BABAM2: variants seen among roughly 807,000 people sequenced by gnomAD.
BABAM2 encodes BRISC and BRCA1-A complex member 2.
Under a neutral mutation model 54.7 loss-of-function variants are expected in BABAM2, and 31 were observed. The ratio of observed to expected loss-of-function variants is 0.57; its 90% confidence interval spans 0.43 to 0.77. The LOEUF (loss-of-function observed/expected upper bound fraction) is 0.77. Among genes scored for constraint, BABAM2 ranks in the 30% least tolerant of loss-of-function variants. The pLI, the probability that BABAM2 is intolerant of heterozygous loss-of-function variation, is 0.00. For missense variants in BABAM2, 364 were observed against 455.8 expected, an observed-to-expected ratio of 0.80 and a Z score of 1.83; for synonymous variants, 167 against 162.9, an observed-to-expected ratio of 1.03 and a Z score of -0.19.
chr2:28,055,660 T>A (rs1009174988), intron 6 of BABAM2, among the ~76,000 whole-genome samples: 2 of 152,174 alleles, frequency 1.3e-5, no homozygotes, highest in African/African-American at 4.8e-5. Flanking sequence ...GAATGTAGAT[T>A]GGGGTAACCC....
At chr2:28,099,613 A>T (rs1282346235) in intron 6 of BABAM2, among the ~76,000 whole-genome samples, 2 of 152,196 alleles carry the variant, frequency 1.3e-5, no homozygotes, top group Non-Finnish European at 2.9e-5. Flanking sequence ...TAGTTATTAT[A>T]GCCATACTCA....
chr2:28,026,833 A>AATATATAT lies in BABAM2; in HGVS notation c.495+1415_495+1422dup, dbSNP rs1161229574. On this transcript the variant is annotated intron_variant, in intron 5 of 11. Transcript: ENST00000379624. ...ATATAAATATATATTTATATATATA[A>AATATATAT]ATATATATAAATATATATTTATATA... 1.8e-4 allele frequency among the ~76,000 whole-genome samples: 7 copies of AATATATAT among 38,192 alleles called. No individual in the cohort carries two copies. The East Asian group carries it at 2.0e-3, about 11-fold the overall frequency. 25.1% of individuals were successfully genotyped at this position (38,192 alleles called of 152,430 possible).
chr2:28,151,547 C>T (rs1396396025), intron 7 of BABAM2, among the ~76,000 whole-genome samples: 2 of 152,064 alleles, frequency 1.3e-5, no homozygotes, highest in East Asian at 3.9e-4. Flanking sequence ...TGCACTCCAG[C>T]CTTGGCGACA....
intron 6 of BABAM2, 95 bp from the exon 7 acceptor site, chr2:28,129,176 C>T: frequency 8.7e-7 from 1 of 1,152,678 alleles, no homozygotes. Flanking sequence ...GGGTAACTCA[C>T]AGTCATGGCT....
At chr2:28,300,586 C>T (rs1361617634) in intron 11 of BABAM2, among the ~76,000 whole-genome samples, 1 of 152,066 alleles carries the variant, frequency 6.6e-6, no homozygotes, top group African/African-American at 2.4e-5. Flanking sequence ...ATTTGTGGTA[C>T]GTGCTGAACC....
At chr2:28,192,136 G>A (rs914034970) in intron 7 of BABAM2, among the ~76,000 whole-genome samples, 3 of 152,120 alleles carry the variant, frequency 2.0e-5, no homozygotes, top group African/African-American at 7.2e-5. Flanking sequence ...CTGGGTTCAC[G>A]CTATTCTCCT....
intron 11 of BABAM2, among the ~76,000 whole-genome samples, chr2:28,336,397 T>A (rs1691471541): frequency 6.6e-6 from 1 of 152,130 alleles, no homozygotes; most frequent in African/African-American, 2.4e-5. Flanking sequence ...CTAGTTTGAG[T>A]TACAGAGTGA....
intron 3 of BABAM2, among the ~76,000 whole-genome samples, chr2:27,961,010 G>A (rs1670425647): frequency 2.0e-5 from 3 of 152,172 alleles, no homozygotes; most frequent in African/African-American, 7.2e-5. Flanking sequence ...GTGGTCAGTT[G>A]GCATTGGGAA....
chr2:28,195,080 A>G (rs1389364798), intron 7 of BABAM2, among the ~76,000 whole-genome samples: 1 of 152,218 alleles, frequency 6.6e-6, no homozygotes, highest in African/African-American at 2.4e-5. Flanking sequence ...AATAGAGAGG[A>G]ACCTCTCTGA....
intron 7 of BABAM2, among the ~76,000 whole-genome samples, chr2:28,204,859 T>C (rs1013802695): frequency 2.0e-5 from 3 of 152,074 alleles, no homozygotes; most frequent in Non-Finnish European, 4.4e-5. Context: ...TAGAAAACAA[T>C]ACCTCGCAGC....
At chr2:27,930,332 T>G in intron 3 of BABAM2, 1 of 175,402 alleles carries the variant, frequency 5.7e-6, no homozygotes, top group South Asian at 1.2e-4. Context: ...TATCTCCTGT[T>G]GTTACCGAAG....
chr2:27,932,717 A>C (rs1161532997), intron 3 of BABAM2, among the ~76,000 whole-genome samples: 1 of 152,186 alleles, frequency 6.6e-6, no homozygotes, highest in Non-Finnish European at 1.5e-5. Flanking sequence ...TCCTGTTCTT[A>C]GCCCTGTGTC....
intron 10 of BABAM2, among the ~76,000 whole-genome samples, chr2:28,251,235 A>G (rs1683453458): frequency 6.6e-6 from 1 of 151,388 alleles, no homozygotes; most frequent in Non-Finnish European, 1.5e-5. Context: ...CAGAGAACAC[A>G]GTTTCTGGTA....
chr2:28,201,876 A>G (rs1678312461), intron 7 of BABAM2, among the ~76,000 whole-genome samples: 1 of 152,194 alleles, frequency 6.6e-6, no homozygotes, highest in Non-Finnish European at 1.5e-5. Flanking sequence ...AGGCCAGGCC[A>G]TGAAATAGAG....
At chr2:28,099,229 A>AT (rs1666865018) in intron 6 of BABAM2, among the ~76,000 whole-genome samples, 1 of 152,216 alleles carries the variant, frequency 6.6e-6, no homozygotes. Context: ...ATGAGTTAGC[A>AT]TTCTGGCTGT....
rs569583446 is a variant in BABAM2, at chr2:27,932,319, T to G, written c.205+2411T>G. ...CTTGTTCTTATTTTATGAATATAGG[T>G]CCTTTAAATTCCTTCAAAGAATAAA... On this transcript the variant is annotated intron_variant, in intron 3 of 11. Coordinates refer to ENST00000379624, the MANE Select transcript of BABAM2 (RefSeq NM_199191.3). Among the ~76,000 whole-genome samples the G allele has an allele frequency of 1.4e-4, 22 of 152,322 alleles. No individual in the cohort carries two copies. The South Asian group carries it at 4.3e-3, about 30-fold the overall frequency.
chr2:27,957,326 A>G (rs1232675489), intron 3 of BABAM2, among the ~76,000 whole-genome samples: 2 of 152,174 alleles, frequency 1.3e-5, no homozygotes, highest in South Asian at 2.1e-4. Flanking sequence ...CAAATTTTGA[A>G]GTACAGTATT....
In BABAM2 at chr2:28,135,328, G is replaced by A. The variant is rs536831342; in HGVS notation, c.680+5948G>A. Reference sequence around the variant, plus strand: ...TCCCATCTGATCCTCATGATAGTATGTCTATCATGTGTTTTATAATATAGC... The same window carrying A: ...TCCCATCTGATCCTCATGATAGTATATCTATCATGTGTTTTATAATATAGC... On this transcript the variant is annotated intron_variant, in intron 7 of 11. Transcript: ENST00000379624. Among the ~76,000 whole-genome samples the A allele has an allele frequency of 2.0e-5, 3 of 152,272 alleles. No homozygotes were observed. The East Asian group carries it at 5.8e-4, about 29-fold the overall frequency.
intron 9 of BABAM2, among the ~76,000 whole-genome samples, chr2:28,242,259 C>T (rs1381728596): frequency 6.6e-6 from 1 of 152,112 alleles, no homozygotes; most frequent in Non-Finnish European, 1.5e-5. Context: ...AAAGCGGTGG[C>T]TCGCACTTGA....
Sources: gnomAD v4.1 joint callset for allele counts (sites outside exome capture counted in the v4.1 genomes callset) on GRCh38, gnomAD v4.1.1 for gene constraint, MANE v1.5 for transcripts, NCBI Gene and HGNC (gene_info 2026-07-23, HGNC 2026-07-21) for gene names.